Variants in EGF observed in about 807,000 individuals in gnomAD.
The protein encoded by EGF is epidermal growth factor, also known as pro-epidermal growth factor.
EGF carries 95 observed loss-of-function variants against 143.8 expected under a neutral mutation model. That is an observed-to-expected ratio of 0.66 (90% confidence interval 0.56 to 0.78). The LOEUF is 0.78. Ranked by LOEUF, EGF falls within the 30% of genes least tolerant of loss-of-function variation. The probability of loss-of-function intolerance (pLI) is 0.00; values close to 1 mark genes in which losing one functional copy is unlikely to be tolerated. For missense variants in EGF, 1,320 were observed against 1,470.9 expected (o/e 0.90, Z 1.68); for synonymous variants, 510 against 510.5 (o/e 1.00, Z 0.01).
Position 109,952,638 on chromosome 4 carries a change from C to A in EGF, c.941-6674C>A, listed in dbSNP as rs140902919. ...ATTATTAGTTTAAACACATAAAATT[C>A]TGTTATTCTTCACGGAAATATTAGT... is the stretch of plus-strand genomic sequence containing the variant. On this transcript the variant is annotated intron_variant, in intron 5 of 23. Transcript: ENST00000265171. Among the ~76,000 whole-genome samples the A allele has an allele frequency of 1.8e-3, 281 of 152,250 alleles. 1 individual carries two copies. The highest frequency in any genetic ancestry group is 6.5e-3 in the African/African-American group (269 of 41,560).
intron 13 of EGF, among the ~76,000 whole-genome samples, chr4:109,978,614 A>G (rs1478739569): frequency 6.6e-6 from 1 of 152,238 alleles, no homozygotes; most frequent in Non-Finnish European, 1.5e-5. Context: ...TTTAATGGAC[A>G]TAGAGTTTCA....
At chr4:109,964,662 C>G in intron 10 of EGF, 125 bp downstream of exon 10, 2 of 1,366,952 alleles carry the variant, frequency 1.5e-6, no homozygotes, top group South Asian at 2.7e-5. Flanking sequence ...AGGCACAGAA[C>G]AAGTTAAATA....
intron 1 of EGF, among the ~76,000 whole-genome samples, chr4:109,935,323 A>G (rs150433556): frequency 0.012 from 1,774 of 152,214 alleles, 15 homozygotes; most frequent in South Asian, 0.025. Context: ...CTTTGTAGTA[A>G]TTGTGAATGG....
At position 109,969,136 on chromosome 4, in the gene EGF, A is replaced by T. The variant is rs780679922; in HGVS notation, c.1724+17A>T. 6.2e-7 allele frequency: 1 copy of T among 1,614,108 alleles called. No individual in the cohort carries two copies. On this transcript the variant is annotated intron_variant, in intron 11 of 23. Coordinates refer to ENST00000265171, the MANE Select transcript of EGF (RefSeq NM_001963.6). ...AGACAGAGGGTATGTTTTCTGCTTC[A>T]GTTTTAAGCTGTGTGAGATGGGAGT...
chr4:109,959,531 G>A, intron 6 of EGF, 94 bp downstream of exon 6: 1 of 1,603,198 alleles, frequency 6.2e-7, no homozygotes, highest in South Asian at 1.1e-5. Context: ...CAGTGGGCCA[G>A]CCAGAGACTC....
At chr4:109,913,836 T>C (rs1416269932) in intron 1 of EGF, among the ~76,000 whole-genome samples, 2 of 152,218 alleles carry the variant, frequency 1.3e-5, no homozygotes, top group African/African-American at 2.4e-5. Context: ...TTTGAAACTC[T>C]TAAGCCACAA....
chr4:109,983,891 A>G (rs542483042), intron 16 of EGF, among the ~76,000 whole-genome samples: 1 of 152,336 alleles, frequency 6.6e-6, no homozygotes, highest in East Asian at 1.9e-4. Flanking sequence ...CTGTTTTTCT[A>G]TTAGCCTGAA....
intron 1 of EGF, among the ~76,000 whole-genome samples, chr4:109,914,688 G>A (rs1417414472): frequency 2.0e-5 from 3 of 152,182 alleles, no homozygotes; most frequent in Non-Finnish European, 4.4e-5. Flanking sequence ...GTGTATGAAT[G>A]AGGCGTCTTT....
intron 18 of EGF, among the ~76,000 whole-genome samples, chr4:109,992,036 T>C (rs765288921): frequency 4.0e-5 from 6 of 151,490 alleles, no homozygotes; most frequent in Non-Finnish European, 7.4e-5. Flanking sequence ...TAACCAATCA[T>C]AGTGATGCAA....
intron 5 of EGF, among the ~76,000 whole-genome samples, chr4:109,953,629 A>G (rs779801580): frequency 4.6e-5 from 7 of 152,136 alleles, no homozygotes; most frequent in African/African-American, 1.7e-4. Flanking sequence ...ATTTGTATTC[A>G]CTGTAATTAT....
chr4:109,985,117 A>T (rs1231636265), intron 16 of EGF, among the ~76,000 whole-genome samples: 2 of 152,232 alleles, frequency 1.3e-5, no homozygotes, highest in Non-Finnish European at 2.9e-5. Context: ...TAAATGACAG[A>T]TAGGTGGGAA....
At chr4:109,961,351 CA>C (rs1260283692) in intron 7 of EGF, among the ~76,000 whole-genome samples, 2 of 151,974 alleles carry the variant, frequency 1.3e-5, no homozygotes, top group African/African-American at 2.4e-5. Context: ...GACCCTGTCT[CA>C]AAAAGCAAAA....
intron 21 of EGF, among the ~76,000 whole-genome samples, chr4:110,003,037 G>A (rs1752778639): frequency 6.6e-6 from 1 of 152,168 alleles, no homozygotes; most frequent in African/African-American, 2.4e-5. Flanking sequence ...GTGTGTATGT[G>A]CCATATTTTC....
chr4:109,949,536 C>T (rs1743453308), intron 5 of EGF, among the ~76,000 whole-genome samples: 1 of 152,010 alleles, frequency 6.6e-6, no homozygotes, highest in African/African-American at 2.4e-5. Flanking sequence ...CTAAAGGTGA[C>T]ACAACCCATG....
At chr4:109,994,701 G>A in intron 19 of EGF, 32 bp from the exon 20 acceptor site, 1 of 1,612,012 alleles carries the variant, frequency 6.2e-7, no homozygotes, top group Non-Finnish European at 8.5e-7. Context: ...AATCCATTCA[G>A]AAAGTAAAAG....
At chr4:110,006,661 C>T (rs544703104) in intron 22 of EGF, among the ~76,000 whole-genome samples, 7 of 152,310 alleles carry the variant, frequency 4.6e-5, no homozygotes, top group African/African-American at 1.7e-4. Flanking sequence ...TAATTCATCT[C>T]ATTAATTCAT....
intron 5 of EGF, among the ~76,000 whole-genome samples, chr4:109,953,808 C>T (rs1744331977): frequency 6.6e-6 from 1 of 152,186 alleles, no homozygotes; most frequent in African/African-American, 2.4e-5. Flanking sequence ...ACTGGACTCA[C>T]GCAGCCACTT....
intron 5 of EGF, among the ~76,000 whole-genome samples, chr4:109,949,590 T>C (rs1411033508): frequency 1.3e-5 from 2 of 152,080 alleles, no homozygotes; most frequent in Non-Finnish European, 2.9e-5. Flanking sequence ...CACAGGACTC[T>C]TGAATCTATT....
At chr4:109,946,427 C>G (rs1484588704) in intron 5 of EGF, among the ~76,000 whole-genome samples, 1 of 152,158 alleles carries the variant, frequency 6.6e-6, no homozygotes, top group Non-Finnish European at 1.5e-5. Flanking sequence ...CTCCTTCATT[C>G]CTTTAGGGTT....
Sources: gnomAD v4.1 joint callset for allele counts (sites outside exome capture counted in the v4.1 genomes callset) on GRCh38, gnomAD v4.1.1 for gene constraint, MANE v1.5 for transcripts, NCBI Gene and HGNC (gene_info 2026-07-23, HGNC 2026-07-21) for gene names.